The following PCDHGB4 variants were observed in gnomAD, a reference collection of about 807,000 sequenced individuals.
PCDHGB4 encodes the protein protocadherin gamma-B4.
In PCDHGB4, 38 loss-of-function variants were observed where a neutral mutation model predicts 60.5. The ratio of observed to expected loss-of-function variants is 0.63; its 90% CI spans 0.48 to 0.82. The LOEUF is 0.82. Among genes scored for constraint, PCDHGB4 ranks in the 40% least tolerant of loss-of-function variants. The pLI, the probability that PCDHGB4 is intolerant of heterozygous loss-of-function variation, is 0.00. For synonymous variants in PCDHGB4, 456 were observed against 509.7 expected, an observed-to-expected ratio of 0.89 and a Z score of 1.42; for missense variants, 1,109 against 1,209.6, an observed-to-expected ratio of 0.92 and a Z score of 1.23.
At chr5:141,415,740 G>GTTTTTTT (rs57426385) in intron 1 of PCDHGB4, 164 of 624,990 alleles carry the variant, frequency 2.6e-4, no homozygotes, top group African/African-American at 5.0e-4. Flanking sequence ...GTTTATTAAG[G>GTTTTTTT]TTTTTTTTTT....
chr5:141,445,608 C>T (rs2098472204), intron 1 of PCDHGB4, among the ~76,000 whole-genome samples: 1 of 152,108 alleles, frequency 6.6e-6, no homozygotes, highest in South Asian at 2.1e-4. Context: ...TCAAGGAAGG[C>T]TTTCTTTTTT....
intron 1 of PCDHGB4, among the ~76,000 whole-genome samples, chr5:141,474,142 T>G (rs2099344082): frequency 6.6e-6 from 1 of 152,212 alleles, no homozygotes; most frequent in African/African-American, 2.4e-5. Flanking sequence ...ACAGGCCTTA[T>G]TATCAAGAAA....
At chr5:141,494,890 C>A (rs1483157263) in intron 2 of PCDHGB4, 25 bp downstream of exon 2, 1 of 1,614,120 alleles carries the variant, frequency 6.2e-7, no homozygotes. Context: ...CTCCAGCCCA[C>A]CCTCTTCTCT....
intron 1 of PCDHGB4, among the ~76,000 whole-genome samples, chr5:141,435,770 C>G (rs1445835726): frequency 6.6e-6 from 1 of 152,070 alleles, no homozygotes; most frequent in Non-Finnish European, 1.5e-5. Context: ...TTGGTGAATT[C>G]TGTAAAGGTG....
chr5:141,492,487 C>T (rs1031047955), intron 1 of PCDHGB4, among the ~76,000 whole-genome samples: 1 of 152,222 alleles, frequency 6.6e-6, no homozygotes, highest in Non-Finnish European at 1.5e-5. Context: ...CGCCCAGGAC[C>T]AGGCGAGGAC....
At chr5:141,403,058 C>A in intron 1 of PCDHGB4, 1 of 1,614,060 alleles carries the variant, frequency 6.2e-7, no homozygotes, top group Non-Finnish European at 8.5e-7. Context: ...CTACTCAGTG[C>A]CTGAAGAGAC....
At chr5:141,449,266 G>T (rs1398403120) in intron 1 of PCDHGB4, among the ~76,000 whole-genome samples, 1 of 152,042 alleles carries the variant, frequency 6.6e-6, no homozygotes, top group Non-Finnish European at 1.5e-5. Context: ...ACAAAGAACT[G>T]TATCTCCTTC....
chr5:141,387,840 C>T lies in PCDHGB4; in HGVS notation c.-45C>T. 1.3e-6 allele frequency: 2 copies of T among 1,597,864 alleles called. No individual in the cohort carries two copies. The highest frequency in any genetic ancestry group is 1.7e-6 in the Non-Finnish European group (2 of 1,172,206). On this transcript the variant is annotated 5_prime_UTR_variant, in exon 1 of 4. Transcript: ENST00000519479. ...TCTGCAATACAGAGGTTATTTGTAA[C>T]CCGGCGTCTCCAGGCTGGTGAGCAA... is the stretch of plus-strand genomic sequence containing the variant.
intron 1 of PCDHGB4, among the ~76,000 whole-genome samples, chr5:141,465,347 G>A (rs2099101721): frequency 6.6e-6 from 1 of 151,938 alleles, no homozygotes; most frequent in South Asian, 2.1e-4. Context: ...GGTTACTGAA[G>A]AAAAAATGGG....
intron 1 of PCDHGB4, among the ~76,000 whole-genome samples, chr5:141,474,075 C>T (rs2099339724): frequency 6.6e-6 from 1 of 151,902 alleles, no homozygotes; most frequent in African/African-American, 2.4e-5. Flanking sequence ...GCCTCAGAAA[C>T]AAAAACCAAA....
At chr5:141,447,023 G>GT (rs5871773) in intron 1 of PCDHGB4, among the ~76,000 whole-genome samples, 28,105 of 151,474 alleles carry the variant, frequency 0.19, 2,731 homozygotes, top group African/African-American at 0.24. Context: ...GTTTTGTTTT[G>GT]TTTTTTTTCT....
chr5:141,502,784 G>C (rs185608958), intron 2 of PCDHGB4, among the ~76,000 whole-genome samples: 1 of 151,804 alleles, frequency 6.6e-6, no homozygotes, highest in Non-Finnish European at 1.5e-5. Flanking sequence ...AAATTACCTG[G>C]ATGATTTCTT....
rs1190445239 is a variant in PCDHGB4 at position 141,431,331 on chromosome 5, A to T, written c.2397+41050A>T. 1 of 1,614,062 alleles carries T rather than the reference A, an allele frequency of 6.2e-7. No individual in the cohort carries two copies. The highest frequency in any genetic ancestry group is 1.7e-5 in the Admixed American group (1 of 60,026). On this transcript the variant is annotated intron_variant, in intron 1 of 3. Coordinates refer to ENST00000519479, the MANE Select transcript of PCDHGB4 (RefSeq NM_003736.4). The surrounding 1 kb of genome is among the most constrained non-coding windows in gnomAD (Gnocchi z 4.8). ...CAAAATGGAGCCGACGGTAGTAAGT[A>T]CCCCGAATTGGTGCTGAAACGCGCC...
At chr5:141,422,862 C>T in intron 1 of PCDHGB4, 1 of 1,614,270 alleles carries the variant, frequency 6.2e-7, no homozygotes, top group Non-Finnish European at 8.5e-7. Flanking sequence ...CCCTCAGCAG[C>T]AACGTGTCGC....
intron 1 of PCDHGB4, chr5:141,414,115 G>A: frequency 6.3e-7 from 1 of 1,591,952 alleles, no homozygotes; most frequent in Middle Eastern, 1.7e-4. Flanking sequence ...TCTAGATTAT[G>A]AAGAAACCGG....
chr5:141,464,530 T>C (rs375523203), intron 1 of PCDHGB4, among the ~76,000 whole-genome samples: 1 of 152,108 alleles, frequency 6.6e-6, no homozygotes, highest in African/African-American at 2.4e-5. Flanking sequence ...TATGTAGTTT[T>C]GTTAAATATA....
chr5:141,399,009 C>A (rs759328384), intron 1 of PCDHGB4: 1 of 1,613,812 alleles, frequency 6.2e-7, no homozygotes, highest in African/African-American at 1.3e-5. Context: ...ATTCAAAGAG[C>A]GGAGAAATTA....
At position 141,485,443 on chromosome 5, in the gene PCDHGB4, C is replaced by A. The variant is rs2099613637; in HGVS notation, c.2398-9364C>A. 5 of 1,614,054 alleles carry A rather than the reference C, an allele frequency of 3.1e-6. No individual in the cohort carries two copies. The East Asian group carries it at 6.7e-5, about 22-fold the overall frequency. ...GAGCCCTGCTCATCAAGAACCCAAT[C>A]GACCGAGAGGCACTGTGTGGGCTCA... On this transcript the variant is annotated intron_variant, in intron 1 of 3. Coordinates refer to ENST00000519479, the MANE Select transcript of PCDHGB4 (RefSeq NM_003736.4). This position sits in a 1 kb window ranked among gnomAD's most constrained non-coding sequence, Gnocchi z 5.7.
chr5:141,482,728 A>T (rs192207285), intron 1 of PCDHGB4, among the ~76,000 whole-genome samples: 97 of 128,396 alleles, frequency 7.6e-4, no homozygotes, highest in Admixed American at 3.3e-3. Context: ...GGGCCATTGC[A>T]AGAAATTCCA....
Sources: gnomAD v4.1 joint callset for allele counts (sites outside exome capture counted in the v4.1 genomes callset) on GRCh38, gnomAD v4.1.1 for gene constraint, Gnocchi (gnomAD v3.1) non-coding constraint, MANE v1.5 for transcripts, NCBI Gene and HGNC (gene_info 2026-07-23, HGNC 2026-07-21) for gene names.